Variants in CHERP observed in about 807,000 individuals in gnomAD.
The protein encoded by CHERP is ERPROT 213-21.
CHERP carries 8 observed loss-of-function variants against 113.8 expected under a neutral mutation model. The observed-to-expected ratio is 0.07, with a 90% confidence interval of 0.04 to 0.13. The LOEUF (loss-of-function observed/expected upper bound fraction) is 0.13, where lower values mean the gene tolerates loss of function less well. Ranked by LOEUF, CHERP falls within the 10% of genes least tolerant of loss-of-function variation. The probability of loss-of-function intolerance (pLI) is 1.00; values close to 1 mark genes in which losing one functional copy is unlikely to be tolerated. For missense variants in CHERP, 884 were observed against 1,298.2 expected (o/e 0.68, Z 4.90); for synonymous variants, 559 against 524.5 (o/e 1.07, Z -0.90).
chr19:16,542,143 A>T (rs1044065895), intron 1 of CHERP, 100 bp from the exon 2 acceptor site: 25 of 1,378,140 alleles, frequency 1.8e-5, no homozygotes, highest in Middle Eastern at 2.7e-4. Flanking sequence ...GGGGACCCCA[A>T]GGGGGTGGGC....
rs1194517954 is a variant in CHERP, at chr19:16,523,446, G to A, written c.1742-156C>T. On this transcript the variant is annotated intron_variant, in intron 10 of 16. Transcript: ENST00000546361. This position sits in a 1 kb window ranked among gnomAD's most constrained non-coding sequence, Gnocchi z 4.0. ...TCACTGCTTAAGACCAGGCAGCAAG[G>A]CACCGAGGAGCCAGGCTCCGAGGGG... Among the ~76,000 whole-genome samples the A allele has an allele frequency of 6.6e-6, 1 of 152,110 alleles. No individual in the cohort carries two copies. Among genetic ancestry groups the A allele is most frequent in the Admixed American group, 6.6e-5 (1 of 15,266 alleles).
intron 1 of CHERP, 140 bp downstream of exon 1, chr19:16,542,214 G>T (rs1259550965): frequency 1.9e-6 from 2 of 1,071,316 alleles, no homozygotes; most frequent in Non-Finnish European, 1.3e-6. Context: ...GGGAATGCGG[G>T]GACCCACGGG....
intron 9 of CHERP, among the ~76,000 whole-genome samples, chr19:16,527,829 A>G (rs1378329048): frequency 6.6e-6 from 1 of 152,218 alleles, no homozygotes; most frequent in Non-Finnish European, 1.5e-5. Context: ...CACTCGCAGG[A>G]CAATGGTGAT....
In CHERP at chr19:16,532,495, G is replaced by A. The variant is rs1469008823; in HGVS notation, c.674+103C>T. ...CCCGGACAAGTGCCCCCTAGTCTCG[G>A]GACAGGCCAAGCCAAGCTACCGACC... is the stretch of plus-strand genomic sequence containing the variant. On this transcript the variant is annotated intron_variant, in intron 5 of 16. Coordinates refer to ENST00000546361, the MANE Select transcript of CHERP (RefSeq NM_006387.6). The surrounding 1 kb of genome is among the most constrained non-coding windows in gnomAD (Gnocchi z 4.4). 8.6e-6 allele frequency: 12 copies of A among 1,387,374 alleles called. No homozygotes were observed. Among genetic ancestry groups the A allele is most frequent in the Non-Finnish European group, 1.1e-5 (12 of 1,048,916 alleles). The allele number at this position is 1,387,374 out of a possible 1,614,324, so 85.9% of individuals were successfully genotyped here.
intron 2 of CHERP, among the ~76,000 whole-genome samples, chr19:16,538,583 T>A (rs1285646320): frequency 6.6e-6 from 1 of 152,124 alleles, no homozygotes; most frequent in Non-Finnish European, 1.5e-5. Flanking sequence ...CTTGGGAGGC[T>A]GAGGCAGGAG....
chr19:16,520,170 C>T lies in CHERP; in HGVS notation c.2441G>A (p.Arg814Gln), dbSNP rs367830689. 135 of 1,612,830 alleles carry T rather than the reference C, an allele frequency of 8.4e-5. No individual in the cohort carries two copies. The highest frequency in any genetic ancestry group is 1.1e-4 in the Non-Finnish European group (131 of 1,179,992). The change falls in exon 15 of 17, where the codon CGG (arginine) becomes CAG (glutamine). Residue 814 changes from arginine to glutamine, a missense_variant. Coordinates refer to ENST00000546361, the MANE Select transcript of CHERP (RefSeq NM_006387.6). The surrounding 1 kb of genome is among the most constrained non-coding windows in gnomAD (Gnocchi z 4.0). Reference protein sequence around the residue: ...SYSPGRRRRSRSRSPTPPSSA... With the variant: ...SYSPGRRRRSQSRSPTPPSSA... ...TTACGGCGGGGTGGGGCTCCTGGAC[C>T]GTGACCGGCGTCTTCTTCCTGGGGA... is the stretch of plus-strand genomic sequence containing the variant.
At chr19:16,529,208 G>C (rs939118047) in intron 8 of CHERP, among the ~76,000 whole-genome samples, 4 of 152,118 alleles carry the variant, frequency 2.6e-5, no homozygotes, top group Non-Finnish European at 4.4e-5. Context: ...AGTAGAGACG[G>C]GGTTTCACCA....
intron 2 of CHERP, among the ~76,000 whole-genome samples, chr19:16,537,227 G>A (rs898324569): frequency 2.3e-5 from 3 of 132,354 alleles, no homozygotes; most frequent in South Asian, 2.5e-4. Context: ...TCAGCCCCCC[G>A]GGCCTGTCGC....
chr19:16,523,245 G>T lies in CHERP; in HGVS notation c.1787C>A (p.Pro596His). The change falls in exon 11 of 17, where the codon CCT becomes CAT. Residue 596 changes from proline to histidine, a missense_variant. Pro to His is a moderately conservative substitution (Grantham distance 77, BLOSUM62 -2). Coordinates refer to ENST00000546361, the MANE Select transcript of CHERP (RefSeq NM_006387.6). The surrounding 1 kb of genome is among the most constrained non-coding windows in gnomAD (Gnocchi z 4.0). ...HHHPGHRMPHPGINEHPPWAG... is the reference protein window; with the variant it reads ...HHHPGHRMPHHGINEHPPWAG... ...CCAAGGCGGGTGCTCGTTGATGCCA[G>T]GATGAGGCATGCGGTGGCCAGGGTG... 1.2e-6 allele frequency: 2 copies of T among 1,601,774 alleles called. No individual in the cohort carries two copies. Among genetic ancestry groups the T allele is most frequent in the Non-Finnish European group, 1.7e-6 (2 of 1,175,316 alleles).
At chr19:16,521,186 C>G in intron 12 of CHERP, 1 of 583,266 alleles carries the variant, frequency 1.7e-6, no homozygotes, top group South Asian at 2.0e-5. Context: ...AACAGGAACA[C>G]TGACTCATGG....
intron 8 of CHERP, among the ~76,000 whole-genome samples, chr19:16,529,256 G>A (rs896013054): frequency 2.0e-5 from 3 of 152,158 alleles, no homozygotes; most frequent in South Asian, 4.1e-4. Flanking sequence ...GGGCTCAAGC[G>A]ATCTGCCCAT....
chr19:16,535,039 G>A lies in CHERP; in HGVS notation c.384+413C>T, dbSNP rs2085731822. Among the ~76,000 whole-genome samples the A allele has an allele frequency of 6.6e-6, 1 of 151,844 alleles. No homozygotes were observed. Among genetic ancestry groups the A allele is most frequent in the Non-Finnish European group, 1.5e-5 (1 of 67,936 alleles). ...TGCAGTGAGCTGAGATCACGCCTCT[G>A]CACTCCAGCCTGGGCGACAGAACAA... On this transcript the variant is annotated intron_variant, in intron 3 of 16. Transcript: ENST00000546361. The surrounding 1 kb of genome is among the most constrained non-coding windows in gnomAD (Gnocchi z 4.3).
chr19:16,527,971 C>G (rs375839079), intron 9 of CHERP, 109 bp downstream of exon 9: 5 of 1,104,808 alleles, frequency 4.5e-6, no homozygotes, highest in Middle Eastern at 3.1e-4. Flanking sequence ...CAGAATATCC[C>G]TCATTGTTCC....
rs1293427745 is a variant in CHERP, at chr19:16,521,665, G to A, written c.1981-11C>T. ...CTCGTGATCTTCCAGCTGCAGCAGA[G>A]AACCCCAGCTGTCACCATGCCTGGG... On this transcript the variant is annotated splice_polypyrimidine_tract_variant and intron_variant, in intron 11 of 16. Transcript: ENST00000546361. 3 of 1,563,748 alleles carry A rather than the reference G, an allele frequency of 1.9e-6. No individual in the cohort carries two copies. The highest frequency in any genetic ancestry group is 2.7e-5 in the African/African-American group (2 of 73,570).
In CHERP at chr19:16,530,905, G is replaced by A. The variant is rs772052949; in HGVS notation, c.675-25C>T. The A allele has an allele frequency of 4.8e-5, 77 of 1,608,778 alleles. No homozygotes were observed. The highest frequency in any genetic ancestry group is 6.3e-5 in the Non-Finnish European group (74 of 1,178,520). On this transcript the variant is annotated intron_variant, in intron 5 of 16. Coordinates refer to ENST00000546361, the MANE Select transcript of CHERP (RefSeq NM_006387.6). The surrounding 1 kb of genome is among the most constrained non-coding windows in gnomAD (Gnocchi z 4.1). ...GCTGTGAGGGAGAGACTTTCCGCGC[G>A]TCAGGGCCCTGGGGCGGGACCCGGC...
intron 11 of CHERP, 152 bp downstream of exon 11, chr19:16,522,900 G>T: frequency 1.2e-6 from 1 of 856,628 alleles, no homozygotes; most frequent in Non-Finnish European, 1.7e-6. Flanking sequence ...CTCCGGTTCG[G>T]CACCTCCCAC....
At position 16,530,934 on chromosome 19, in the gene CHERP, G is replaced by A. The variant is rs755765679; in HGVS notation, c.675-54C>T. The A allele has an allele frequency of 1.5e-5, 24 of 1,592,194 alleles. No individual in the cohort carries two copies. Among genetic ancestry groups the A allele is most frequent in the Non-Finnish European group, 1.9e-5 (22 of 1,171,220 alleles). On this transcript the variant is annotated intron_variant, in intron 5 of 16. Transcript: ENST00000546361. The surrounding 1 kb of genome is among the most constrained non-coding windows in gnomAD (Gnocchi z 4.1). ...GGGCCCTGGGGCGGGACCCGGCCAC[G>A]CGCCCGTTACCATCGCGGCTCCAGC...
Position 16,525,368 on chromosome 19 carries a change from G to A in CHERP, c.1615C>T (p.Pro539Ser), listed in dbSNP as rs2085650199. The change falls in exon 10 of 17, where the codon CCG becomes TCG. Residue 539 changes from proline (P) to serine (S), a missense_variant. By Grantham distance (74) the Pro-to-Ser change is moderately conservative (BLOSUM62 -1). Transcript: ENST00000546361. The surrounding 1 kb of genome is among the most constrained non-coding windows in gnomAD (Gnocchi z 6.5). ...AAGCGGTTGAAGTTGTGGGGGTGCG[G>A]AGGCTGGTTGAACTGCGGGTGCTGC... is the stretch of plus-strand genomic sequence containing the variant. ...HQQHPQFNQP[P>S]HPHNFNRFPP... 6.7e-7 allele frequency: 1 copy of A among 1,493,242 alleles called. No individual in the cohort carries two copies. Among genetic ancestry groups the A allele is most frequent in the Admixed American group, 2.4e-5 (1 of 42,190 alleles). 92.5% of individuals were successfully genotyped at this position (1,493,242 alleles called of 1,614,324 possible).
rs1321265279 is a variant in CHERP at position 16,530,759 on chromosome 19, G to A, written c.786+10C>T. ...GGTCTTGCCCAACCCCCGGCCCGGG[G>A]CCCACGCACCCGGGCGATCTTCTGC... On this transcript the variant is annotated intron_variant, in intron 6 of 16. Transcript: ENST00000546361. This position sits in a 1 kb window ranked among gnomAD's most constrained non-coding sequence, Gnocchi z 4.1. The A allele has an allele frequency of 2.5e-6, 4 of 1,613,944 alleles. No individual in the cohort carries two copies. Among genetic ancestry groups the A allele is most frequent in the South Asian group, 2.2e-5 (2 of 91,068 alleles).
Sources: allele counts gnomAD v4.1 joint callset (sites outside exome capture counted in the v4.1 genomes callset), GRCh38; gene constraint gnomAD v4.1.1; non-coding constraint Gnocchi (gnomAD v3.1); transcripts MANE v1.5; gene names NCBI Gene and HGNC (gene_info 2026-07-23, HGNC 2026-07-21).